CYYR1: variants seen among roughly 807,000 people sequenced by gnomAD.
CYYR1 encodes the protein cysteine and tyrosine rich 1.
CYYR1 carries 14 observed loss-of-function variants against 15.2 expected under a neutral mutation model. That is an observed-to-expected ratio of 0.92 (90% CI 0.61 to 1.44). The LOEUF (loss-of-function observed/expected upper bound fraction) is 1.44, where lower values mean the gene tolerates loss of function less well. Ranked by LOEUF, CYYR1 falls within the 40% of genes most tolerant of loss-of-function variation. CYYR1 has a pLI of 0.00. For missense variants in CYYR1, 228 were observed against 209.5 expected (o/e 1.09, Z -0.54); for synonymous variants, 80 against 77.4 (o/e 1.03, Z -0.18).
Position 26,468,027 on chromosome 21 carries a change from C to T in CYYR1, c.*474G>A, listed in dbSNP as rs1014230985. 4.4e-5 allele frequency: 10 copies of T among 225,144 alleles called. No homozygotes were observed. Among genetic ancestry groups the T allele is most frequent in the Non-Finnish European group, 8.0e-5 (9 of 113,176 alleles). 13.9% of individuals were successfully genotyped at this position (225,144 alleles called of 1,614,324 possible). A position where few individuals can be genotyped will look rare whatever the true frequency, so the allele number is the denominator to read the frequency against. ...CAAACAGTGCTAGGCACATAGTAAA[C>T]TCTTAGGCACTCAAAATACATTTAT... On this transcript the variant is annotated 3_prime_UTR_variant, in exon 4 of 4. Coordinates refer to ENST00000652641, the MANE Select transcript of CYYR1 (RefSeq NM_001320768.2).
intron 2 of CYYR1, chr21:26,551,802 T>C: frequency 3.7e-6 from 1 of 273,140 alleles, no homozygotes; most frequent in Non-Finnish European, 7.4e-6. Context: ...TTTAGAATAT[T>C]ACATAAACTT....
chr21:26,502,069 T>G (rs926296800), intron 2 of CYYR1, among the ~76,000 whole-genome samples: 2 of 152,216 alleles, frequency 1.3e-5, no homozygotes, highest in African/African-American at 4.8e-5. Context: ...TTTTACATCC[T>G]AAAATATTTC....
intron 2 of CYYR1, among the ~76,000 whole-genome samples, chr21:26,541,593 C>T (rs1978550976): frequency 6.6e-6 from 1 of 152,148 alleles, no homozygotes; most frequent in Non-Finnish European, 1.5e-5. Context: ...CTCAAGTAGA[C>T]TTGCCCTACA....
Position 26,507,572 on chromosome 21 carries a change from T to A in CYYR1, c.177-27143A>T, listed in dbSNP as rs549402957. On this transcript the variant is annotated intron_variant, in intron 2 of 3. Transcript: ENST00000652641. The stretch of plus-strand genomic sequence containing the variant: ...CTCATAGCATCTGATGAGGTCAGCA[T>A]TAAGAAGCAAGGCAATTATTTAATA... Among the ~76,000 whole-genome samples, 125 of 152,318 alleles carry A rather than the reference T, an allele frequency of 8.2e-4. 1 individual carries two copies. Among genetic ancestry groups the A allele is most frequent in the Non-Finnish European group, 1.4e-3 (95 of 68,016 alleles).
chr21:26,524,173 A>G (rs1363658905), intron 2 of CYYR1, among the ~76,000 whole-genome samples: 3 of 152,176 alleles, frequency 2.0e-5, no homozygotes, highest in African/African-American at 4.8e-5. Flanking sequence ...GCATGTTGGT[A>G]TTAGAGCTCG....
chr21:26,469,597 A>G (rs2065009385), intron 3 of CYYR1, among the ~76,000 whole-genome samples: 1 of 152,182 alleles, frequency 6.6e-6, no homozygotes, highest in South Asian at 2.1e-4. Context: ...TGGCATACCC[A>G]TCATCTCAAA....
At chr21:26,515,578 T>C (rs2065717141) in intron 2 of CYYR1, among the ~76,000 whole-genome samples, 1 of 152,130 alleles carries the variant, frequency 6.6e-6, no homozygotes, top group Non-Finnish European at 1.5e-5. Flanking sequence ...CCCAGGCTGG[T>C]CCTGAACTCC....
At chr21:26,518,342 G>T (rs1308156026) in intron 2 of CYYR1, among the ~76,000 whole-genome samples, 1 of 152,202 alleles carries the variant, frequency 6.6e-6, no homozygotes, top group Non-Finnish European at 1.5e-5. Flanking sequence ...GGGGCTTTAA[G>T]AGATGAGGAG....
rs1466630802 is a variant in CYYR1, at chr21:26,472,546, A to G, written c.335-3912T>C. ...TTGATCATTTCTTTTGATAACAGCT[A>G]GGTTTGACACTGTTTTACATCTTGT... On this transcript the variant is annotated intron_variant, in intron 3 of 3. Transcript: ENST00000652641. 2.6e-5 allele frequency among the ~76,000 whole-genome samples: 4 copies of G among 152,236 alleles called. No individual in the cohort carries two copies. The East Asian group carries it at 7.7e-4, about 29-fold the overall frequency.
At chr21:26,547,505 A>G (rs1364720325) in intron 2 of CYYR1, among the ~76,000 whole-genome samples, 2 of 152,140 alleles carry the variant, frequency 1.3e-5, no homozygotes, top group African/African-American at 4.8e-5. Flanking sequence ...ACAATTTGCT[A>G]TCCCCCTAAG....
intron 2 of CYYR1, among the ~76,000 whole-genome samples, chr21:26,517,165 T>C (rs1169696871): frequency 1.5e-5 from 2 of 130,512 alleles, no homozygotes; most frequent in Non-Finnish European, 3.2e-5. Flanking sequence ...GGATAATCTA[T>C]CAAATTATAA....
At chr21:26,523,108 A>G (rs1338034036) in intron 2 of CYYR1, among the ~76,000 whole-genome samples, 1 of 152,248 alleles carries the variant, frequency 6.6e-6, no homozygotes, top group Non-Finnish European at 1.5e-5. Context: ...GATTGAAAGT[A>G]TAATAGGAAG....
At chr21:26,532,831 T>C (rs1018572503) in intron 2 of CYYR1, among the ~76,000 whole-genome samples, 1 of 152,186 alleles carries the variant, frequency 6.6e-6, no homozygotes, top group Non-Finnish European at 1.5e-5. Context: ...GTGGCTAAGA[T>C]AGTGACACCT....
rs11358960 is a variant in CYYR1 at position 26,561,313 on chromosome 21, GTT to G, written c.176+4951_176+4952del. ...TATTTTAACTTAATTAATTTAAATGGTTTTTTTTTTTTTTACTAATGCCAAAG... is the reference window on the plus strand; with the variant it reads ...TATTTTAACTTAATTAATTTAAATGGTTTTTTTTTTTTACTAATGCCAAAG... On this transcript the variant is annotated intron_variant, in intron 2 of 3. Coordinates refer to ENST00000652641, the MANE Select transcript of CYYR1 (RefSeq NM_001320768.2). Among the ~76,000 whole-genome samples the G allele has an allele frequency of 2.0e-4, 29 of 143,226 alleles. No individual in the cohort carries two copies. The South Asian group carries it at 2.2e-3, about 11-fold the overall frequency. The allele number at this position is 143,226 out of a possible 152,430, so 94.0% of individuals were successfully genotyped here.
intron 2 of CYYR1, among the ~76,000 whole-genome samples, chr21:26,547,563 TA>T (rs1243459878): frequency 1.3e-5 from 2 of 152,174 alleles, no homozygotes; most frequent in East Asian, 3.9e-4. Context: ...TAAGGGTATA[TA>T]ACCATCTGTA....
intron 2 of CYYR1, among the ~76,000 whole-genome samples, chr21:26,485,545 AT>A (rs1270570284): frequency 6.6e-6 from 1 of 152,044 alleles, no homozygotes; most frequent in Non-Finnish European, 1.5e-5. Flanking sequence ...TAATTTAGTC[AT>A]TTCAAGAAGA....
chr21:26,472,381 A>C (rs2065046693), intron 3 of CYYR1, among the ~76,000 whole-genome samples: 1 of 152,084 alleles, frequency 6.6e-6, no homozygotes, highest in East Asian at 1.9e-4. Flanking sequence ...TAGCTGGCTT[A>C]AGTAACACAT....
intron 2 of CYYR1, among the ~76,000 whole-genome samples, chr21:26,491,383 A>G (rs1436465612): frequency 6.6e-6 from 1 of 152,154 alleles, no homozygotes; most frequent in African/African-American, 2.4e-5. Flanking sequence ...TGGTTTTTTA[A>G]TAGTGACTAC....
chr21:26,497,149 G>C (rs955731383), intron 2 of CYYR1, among the ~76,000 whole-genome samples: 1 of 151,944 alleles, frequency 6.6e-6, no homozygotes, highest in Admixed American at 6.6e-5. Context: ...TAGTAACTTT[G>C]GTCCTTAAAA....
Sources: gnomAD v4.1 joint callset for allele counts (sites outside exome capture counted in the v4.1 genomes callset) on GRCh38, gnomAD v4.1.1 for gene constraint, MANE v1.5 for transcripts, NCBI Gene and HGNC (gene_info 2026-07-23, HGNC 2026-07-21) for gene names.